Variants in HDAC9 observed in about 807,000 individuals in gnomAD.
HDAC9 encodes MEF-2 interacting transcription repressor (MITR) protein.
In HDAC9, 41 loss-of-function variants were observed where a neutral mutation model predicts 139.4. That is an observed-to-expected ratio of 0.29 (90% CI 0.23 to 0.38). The LOEUF is 0.38. Among genes scored for constraint, HDAC9 ranks in the 10% least tolerant of loss-of-function variants. The pLI is 1.00. For synonymous variants in HDAC9, 517 were observed against 476.2 expected, an observed-to-expected ratio of 1.09 and a Z score of -1.12; for missense variants, 1,147 against 1,297.0, an observed-to-expected ratio of 0.88 and a Z score of 1.78.
rs908325964 is a variant in HDAC9, at chr7:18,676,651, T to C, written c.1731+10175T>C. On this transcript the variant is annotated intron_variant, in intron 12 of 25. Coordinates refer to ENST00000686413, the MANE Select transcript of HDAC9 (RefSeq NM_178425.4). ...TGTAAATTATAAATTATTTGACTTT[T>C]GCTTAATTATTTCAATTGTCTGACA... Among the ~76,000 whole-genome samples the C allele has an allele frequency of 3.3e-5, 5 of 152,110 alleles. No individual in the cohort carries two copies. The East Asian group carries it at 9.7e-4, about 30-fold the overall frequency.
At chr7:18,567,502 A>G (rs1432643984) in intron 2 of HDAC9, among the ~76,000 whole-genome samples, 1 of 152,192 alleles carries the variant, frequency 6.6e-6, no homozygotes, top group Admixed American at 6.5e-5. Context: ...TGTGTTCTCT[A>G]GCTACTGAAT....
chr7:18,610,012 A>G (rs1316914725), intron 6 of HDAC9, among the ~76,000 whole-genome samples: 1 of 152,142 alleles, frequency 6.6e-6, no homozygotes, highest in East Asian at 1.9e-4. Flanking sequence ...AAGGATCTAG[A>G]ACTAGAAATA....
intron 2 of HDAC9, among the ~76,000 whole-genome samples, chr7:18,560,047 G>T (rs1477103049): frequency 1.3e-5 from 2 of 152,112 alleles, no homozygotes; most frequent in East Asian, 1.9e-4. Flanking sequence ...TTCTTCTGTT[G>T]TAAATCTTAG....
intron 17 of HDAC9, among the ~76,000 whole-genome samples, chr7:18,804,230 G>T (rs1304541639): frequency 1.3e-5 from 2 of 152,122 alleles, no homozygotes; most frequent in Non-Finnish European, 2.9e-5. Context: ...CAGGAAAAAA[G>T]CAAATACAGA....
At chr7:18,568,457 G>A (rs1473733772) in intron 2 of HDAC9, among the ~76,000 whole-genome samples, 1 of 152,166 alleles carries the variant, frequency 6.6e-6, no homozygotes, top group Non-Finnish European at 1.5e-5. Context: ...AAAAGTCATA[G>A]CTAGCGCTCA....
chr7:18,796,958 C>G (rs1792856903), intron 17 of HDAC9, among the ~76,000 whole-genome samples: 1 of 152,074 alleles, frequency 6.6e-6, no homozygotes, highest in South Asian at 2.1e-4. Context: ...AAAAAAAATC[C>G]TAAACACCTG....
At chr7:18,263,168 A>C (rs1795787409) in intron 2 of HDAC9, among the ~76,000 whole-genome samples, 3 of 152,074 alleles carry the variant, frequency 2.0e-5, no homozygotes, top group Admixed American at 6.6e-5. Context: ...AAAAGAATGG[A>C]GGAAGATATG....
intron 1 of HDAC9, among the ~76,000 whole-genome samples, chr7:18,145,034 T>C (rs1786199521): frequency 6.6e-6 from 1 of 152,248 alleles, no homozygotes; most frequent in South Asian, 2.1e-4. Flanking sequence ...TAAGTTTCAC[T>C]TGCTTTGTGT....
chr7:18,208,130 T>G (rs2128165552), intron 2 of HDAC9, among the ~76,000 whole-genome samples: 1 of 152,282 alleles, frequency 6.6e-6, no homozygotes, highest in Admixed American at 6.5e-5. Flanking sequence ...AGTACTTTCG[T>G]TTCAAAGAAC....
intron 1 of HDAC9, among the ~76,000 whole-genome samples, chr7:18,410,042 C>T (rs2162562): frequency 0.91 from 138,333 of 152,116 alleles, 64,191 homozygotes; most frequent in East Asian, 1. Flanking sequence ...GAATTTCTGT[C>T]TGTTTCTCTT....
chr7:18,146,336 G>A (rs1287176995), intron 1 of HDAC9, among the ~76,000 whole-genome samples: 2 of 152,060 alleles, frequency 1.3e-5, no homozygotes, highest in African/African-American at 4.8e-5. Context: ...TCCATTTTAG[G>A]TATGATATGG....
chr7:18,504,932 G>A (rs1209280576), intron 2 of HDAC9, among the ~76,000 whole-genome samples: 6 of 152,176 alleles, frequency 3.9e-5, no homozygotes, highest in Non-Finnish European at 7.3e-5. Context: ...TACTAAAAAT[G>A]TGGACACATT....
chr7:18,731,005 C>A (rs757994443), intron 13 of HDAC9, among the ~76,000 whole-genome samples: 13 of 152,114 alleles, frequency 8.5e-5, no homozygotes, highest in Non-Finnish European at 1.6e-4. Flanking sequence ...GACTAATGGG[C>A]AGGTGACATA....
At chr7:18,764,277 T>G (rs1477921687) in intron 15 of HDAC9, among the ~76,000 whole-genome samples, 1 of 152,176 alleles carries the variant, frequency 6.6e-6, no homozygotes, top group Non-Finnish European at 1.5e-5. Flanking sequence ...ACATATGATG[T>G]GAAATAATAT....
At chr7:18,131,010 T>C (rs1784966590) in intron 1 of HDAC9, among the ~76,000 whole-genome samples, 1 of 152,124 alleles carries the variant, frequency 6.6e-6, no homozygotes, top group African/African-American at 2.4e-5. Flanking sequence ...ATCGAGTGTT[T>C]AGAAATCTTT....
At chr7:18,554,706 T>A (rs1336195800) in intron 2 of HDAC9, among the ~76,000 whole-genome samples, 1 of 152,182 alleles carries the variant, frequency 6.6e-6, no homozygotes, top group African/African-American at 2.4e-5. Flanking sequence ...CTTCTTTTTT[T>A]TCTGCCCTGG....
At chr7:18,294,274 A>G (rs961678746) in intron 1 of HDAC9, among the ~76,000 whole-genome samples, 5 of 152,134 alleles carry the variant, frequency 3.3e-5, no homozygotes, top group African/African-American at 1.2e-4. Context: ...TTAGAGAATC[A>G]TGGTTCAAAG....
intron 22 of HDAC9, among the ~76,000 whole-genome samples, chr7:18,887,646 C>T (rs1027401974): frequency 6.6e-6 from 1 of 152,134 alleles, no homozygotes; most frequent in Non-Finnish European, 1.5e-5. Flanking sequence ...CACATATAAG[C>T]TGGGGTCAGA....
intron 1 of HDAC9, among the ~76,000 whole-genome samples, chr7:18,459,103 G>A (rs993574153): frequency 6.6e-6 from 1 of 152,140 alleles, no homozygotes; most frequent in Admixed American, 6.6e-5. Context: ...CAGGTTACCA[G>A]CAGGTTACCA....
Sources: allele counts gnomAD v4.1 joint callset (sites outside exome capture counted in the v4.1 genomes callset), GRCh38; gene constraint gnomAD v4.1.1; transcripts MANE v1.5; gene names NCBI Gene and HGNC (gene_info 2026-07-23, HGNC 2026-07-21).